GRAMD4: variants seen among roughly 807,000 people sequenced by gnomAD.
GRAMD4 encodes GRAM domain containing 4, also known as GRAM domain-containing protein 4.
In GRAMD4, 25 loss-of-function variants were observed where a neutral mutation model predicts 83.9. The observed-to-expected ratio is 0.30, with a 90% CI of 0.22 to 0.42. GRAMD4 has a LOEUF of 0.42. Among genes scored for constraint, GRAMD4 ranks in the 10% least tolerant of loss-of-function variants. GRAMD4 has a pLI of 1.00. For synonymous variants in GRAMD4, 336 were observed against 320.9 expected, an observed-to-expected ratio of 1.05 and a Z score of -0.50; for missense variants, 593 against 788.7, an observed-to-expected ratio of 0.75 and a Z score of 2.97.
rs763890962 is a variant in GRAMD4 at position 46,637,941 on chromosome 22, A to G, written c.264A>G (p.Leu88=). The part of the protein sequence containing the change: ...NEIKGHLEIA[L]LEKHFLQEEL... ...TCAAAGGTCACCTGGAAATTGCCTTATTGGAAAAACATTTCTTACGTGAGT... is the reference window on the plus strand; with the variant it reads ...TCAAAGGTCACCTGGAAATTGCCTTGTTGGAAAAACATTTCTTACGTGAGT... The change falls in exon 3 of 19, where the codon TTA becomes TTG. Residue 88 remains leucine, a synonymous_variant. Transcript: ENST00000406902. 1.2e-6 allele frequency: 2 copies of G among 1,613,994 alleles called. No individual in the cohort carries two copies. Among genetic ancestry groups the G allele is most frequent in the Non-Finnish European group, 1.7e-6 (2 of 1,179,878 alleles).
At chr22:46,671,241 C>G in intron 13 of GRAMD4, 1 of 276,598 alleles carries the variant, frequency 3.6e-6, no homozygotes, top group Non-Finnish European at 8.5e-6. Context: ...CACCTAGCAT[C>G]TTTCAAGAAT....
At position 46,677,734 on chromosome 22, in the gene GRAMD4, G is replaced by T; in HGVS notation, c.*483G>T. The T allele has an allele frequency of 1.0e-6, 1 of 979,422 alleles. No homozygotes were observed. The highest frequency in any genetic ancestry group is 1.2e-6 in the Non-Finnish European group (1 of 827,694). 60.7% of individuals were successfully genotyped at this position (979,422 alleles called of 1,614,324 possible). A position where few individuals can be genotyped will look rare whatever the true frequency, so the allele number is the denominator to read the frequency against. ...AAGATGTCGTCAAGGAGGGACATGGGGGCCTTTCACCAACCACCGAGAAAC... is the reference window on the plus strand; with the variant it reads ...AAGATGTCGTCAAGGAGGGACATGGTGGCCTTTCACCAACCACCGAGAAAC... On this transcript the variant is annotated 3_prime_UTR_variant, in exon 19 of 19. Transcript: ENST00000406902.
At chr22:46,682,621 G>A (rs2082676328), downstream of GRAMD4, among the ~76,000 whole-genome samples, 1 of 152,224 alleles carries the variant, frequency 6.6e-6, no homozygotes. Flanking sequence ...TCGTTCTAGA[G>A]CAGCTTACAT....
At position 46,599,508 on chromosome 22, in the gene GRAMD4, G is replaced by T. The variant is rs559135327; in HGVS notation, c.-50+22218G>T. Reference sequence around the variant, plus strand: ...TAATTTTTGTATTTTTGTATTTTTAGTAGAGATGGAGTTTCACCCTCTTGG... The same window carrying T: ...TAATTTTTGTATTTTTGTATTTTTATTAGAGATGGAGTTTCACCCTCTTGG... On this transcript the variant is annotated intron_variant, in intron 1 of 1. Coordinates refer to the GRAMD4 transcript ENST00000431155. 2.7e-3 allele frequency among the ~76,000 whole-genome samples: 406 copies of T among 151,970 alleles called. 2 individuals carry two copies. The highest frequency in any genetic ancestry group is 9.4e-3 in the African/African-American group (391 of 41,462).
In GRAMD4 at chr22:46,663,087, G is replaced by C; in HGVS notation, c.514G>C (p.Glu172Gln). The change falls in exon 6 of 19, where the codon GAG (glutamate) becomes CAG (glutamine). Residue 172 changes from glutamate (E) to glutamine (Q), a missense_variant. Glu to Gln is a conservative substitution (Grantham distance 29, BLOSUM62 2). Transcript: ENST00000406902. ...CTCGCGCCTGCAGAAGTGGTTCTAC[G>C]AGCGGTTTGGGGAGTACGTGGAGGA... Reference protein sequence around the residue: ...LSSRLQKWFYERFGEYVEDFR... With the variant: ...LSSRLQKWFYQRFGEYVEDFR... The C allele has an allele frequency of 6.2e-7, 1 of 1,612,152 alleles. No homozygotes were observed. Among genetic ancestry groups the C allele is most frequent in the Non-Finnish European group, 8.5e-7 (1 of 1,179,400 alleles).
chr22:46,661,897 C>T (rs960269233), intron 5 of GRAMD4, among the ~76,000 whole-genome samples: 2 of 152,190 alleles, frequency 1.3e-5, no homozygotes, highest in Non-Finnish European at 2.9e-5. Context: ...CTCTCCTCGT[C>T]CTCCATCCCT....
chr22:46,600,282 G>A (rs5767287), intron 1 of GRAMD4, among the ~76,000 whole-genome samples: 35,278 of 152,042 alleles, frequency 0.23, 4,266 homozygotes, highest in East Asian at 0.32. Context: ...CAGAGAGAGC[G>A]TGCAAAATGG....
chr22:46,671,361 G>A (rs2082501788), intron 13 of GRAMD4, among the ~76,000 whole-genome samples: 1 of 152,202 alleles, frequency 6.6e-6, no homozygotes, highest in African/African-American at 2.4e-5. Flanking sequence ...CAGCCAACAT[G>A]GTGAAACCCC....
chr22:46,644,710 T>G (rs933776514), intron 3 of GRAMD4, among the ~76,000 whole-genome samples: 26 of 60,084 alleles, frequency 4.3e-4, no homozygotes, highest in Non-Finnish European at 4.9e-4. Context: ...TTTTTTTTTT[T>G]TTTTTTTTTT....
chr22:46,644,703 T>TTG lies in GRAMD4; in HGVS notation c.283+6744_283+6745insGT, dbSNP rs1569285243. The stretch of plus-strand genomic sequence containing the variant: ...ACTTGTCCACTTGTTCCCTGTTTTT[T>TTG]TTTTTTTTTTTTTTTTTTTTTTTTT... On this transcript the variant is annotated intron_variant, in intron 3 of 18. Coordinates refer to ENST00000406902, the MANE Select transcript of GRAMD4 (RefSeq NM_015124.5). 5.4e-3 allele frequency among the ~76,000 whole-genome samples: 65 copies of TTG among 12,064 alleles called. 1 individual carries two copies. The highest frequency in any genetic ancestry group is 7.1e-3 in the Non-Finnish European group (35 of 4,898). 7.9% of individuals were successfully genotyped at this position (12,064 alleles called of 152,430 possible).
At chr22:46,680,586 C>CCGCCCACCCACCCATT (rs2082657822), downstream of GRAMD4, among the ~76,000 whole-genome samples, 1 of 23,146 alleles carries the variant, frequency 4.3e-5, no homozygotes, top group Non-Finnish European at 8.5e-5. Context: ...ATCCATCCAT[C>CCGCCCACCCACCCATT]CATCCATCCA....
At chr22:46,629,162 C>T (rs1160557622) in intron 2 of GRAMD4, among the ~76,000 whole-genome samples, 1 of 152,078 alleles carries the variant, frequency 6.6e-6, no homozygotes, top group Admixed American at 6.5e-5. Context: ...GTGAGCAGGG[C>T]CCCGCTTGGG....
At chr22:46,639,378 G>A (rs575936269) in intron 3 of GRAMD4, among the ~76,000 whole-genome samples, 2 of 150,514 alleles carry the variant, frequency 1.3e-5, no homozygotes, top group African/African-American at 4.9e-5. Context: ...CACGTGTGTG[G>A]TGGTTAACCT....
chr22:46,654,949 G>A (rs2082220535), intron 3 of GRAMD4, among the ~76,000 whole-genome samples: 1 of 152,212 alleles, frequency 6.6e-6, no homozygotes, highest in Non-Finnish European at 1.5e-5. Context: ...CACACGGAGT[G>A]GGAATCATGT....
At chr22:46,655,161 C>T (rs749441759) in intron 3 of GRAMD4, among the ~76,000 whole-genome samples, 5 of 151,432 alleles carry the variant, frequency 3.3e-5, no homozygotes, top group East Asian at 1.9e-4. Context: ...GCCCGACCCT[C>T]GGCAAATCTG....
At chr22:46,625,540 T>C (rs1361898418) in intron 1 of GRAMD4, among the ~76,000 whole-genome samples, 1 of 152,276 alleles carries the variant, frequency 6.6e-6, no homozygotes, top group Non-Finnish European at 1.5e-5. Context: ...ACCTTTGCCT[T>C]ACTGGCATCT....
intron 1 of GRAMD4, among the ~76,000 whole-genome samples, chr22:46,594,535 G>A (rs2081241990): frequency 6.7e-6 from 1 of 148,758 alleles, no homozygotes; most frequent in Admixed American, 6.7e-5. Flanking sequence ...GGGGCCCTTG[G>A]TAGAGGAAGG....
intron 1 of GRAMD4, among the ~76,000 whole-genome samples, chr22:46,604,140 C>T (rs763860172): frequency 3.3e-5 from 5 of 152,252 alleles, no homozygotes; most frequent in East Asian, 1.9e-4. Flanking sequence ...GTTCATGCGC[C>T]GTTAACATGC....
chr22:46,655,997 TG>T (rs2082238591), intron 3 of GRAMD4, among the ~76,000 whole-genome samples: 1 of 151,872 alleles, frequency 6.6e-6, no homozygotes, highest in Non-Finnish European at 1.5e-5. Context: ...GGGGGAGCTC[TG>T]GAGGGAACCA....
Sources: gnomAD v4.1 joint callset for allele counts (sites outside exome capture counted in the v4.1 genomes callset) on GRCh38, gnomAD v4.1.1 for gene constraint, MANE v1.5 for transcripts, NCBI Gene and HGNC (gene_info 2026-07-23, HGNC 2026-07-21) for gene names.